Variants in GPC6 observed in about 807,000 individuals in gnomAD.
GPC6 encodes the protein glypican 6, also known as glypican-6.
In GPC6, 14 loss-of-function variants were observed where a neutral mutation model predicts 55.2. The observed-to-expected ratio is 0.25, with a 90% CI of 0.17 to 0.40. The LOEUF is 0.40. GPC6 is among the 10% of genes least tolerant of loss of function. GPC6 has a pLI of 1.00. For missense variants in GPC6, 641 were observed against 708.5 expected, an observed-to-expected ratio of 0.90 and a Z score of 1.08; for synonymous variants, 278 against 259.6, an observed-to-expected ratio of 1.07 and a Z score of -0.68.
At chr13:94,001,133 G>A (rs1881781162) in intron 3 of GPC6, among the ~76,000 whole-genome samples, 1 of 152,104 alleles carries the variant, frequency 6.6e-6, no homozygotes, top group Admixed American at 6.5e-5. Context: ...AATCAAACCA[G>A]CAAACATTTA....
chr13:93,328,843 A>G (rs985246062), intron 1 of GPC6, among the ~76,000 whole-genome samples: 1 of 152,112 alleles, frequency 6.6e-6, no homozygotes, highest in Non-Finnish European at 1.5e-5. Context: ...TAATATTGGA[A>G]AACTTAGGAA....
chr13:93,583,363 C>T (rs187979772), intron 2 of GPC6, among the ~76,000 whole-genome samples: 2 of 141,060 alleles, frequency 1.4e-5, no homozygotes, highest in East Asian at 1.9e-4. Flanking sequence ...TGCGCGCGCG[C>T]GTGCGTATGT....
chr13:94,307,758 T>A (rs1876026316), intron 6 of GPC6, among the ~76,000 whole-genome samples: 1 of 152,232 alleles, frequency 6.6e-6, no homozygotes, highest in Admixed American at 6.5e-5. Flanking sequence ...TTGTTTAAAT[T>A]TTACTTTACA....
intron 2 of GPC6, among the ~76,000 whole-genome samples, chr13:93,561,363 G>T (rs1875781187): frequency 7.2e-6 from 1 of 138,652 alleles, no homozygotes; most frequent in South Asian, 2.2e-4. Flanking sequence ...TAGTAAGATT[G>T]ATACACATTT....
rs374282859 is a variant in GPC6, at chr13:93,466,809, T to C, written c.161-78454T>C. 2.0e-4 allele frequency among the ~76,000 whole-genome samples: 30 copies of C among 152,328 alleles called. No homozygotes were observed. The East Asian group carries it at 3.5e-3, about 18-fold the overall frequency. Reference sequence around the variant, plus strand: ...TTCTCATGTGCTGGTGGAGTACTACTATGGATCTGATAACAGTAAATTTGC... The same window carrying C: ...TTCTCATGTGCTGGTGGAGTACTACCATGGATCTGATAACAGTAAATTTGC... On this transcript the variant is annotated intron_variant, in intron 1 of 8. Coordinates refer to ENST00000377047, the MANE Select transcript of GPC6 (RefSeq NM_005708.5).
At chr13:93,945,931 A>C (rs1878987203) in intron 3 of GPC6, among the ~76,000 whole-genome samples, 1 of 152,236 alleles carries the variant, frequency 6.6e-6, no homozygotes, top group Non-Finnish European at 1.5e-5. Context: ...ACTGAATTGC[A>C]TAATAGATGT....
In GPC6 at chr13:94,280,556, T is replaced by C. The variant is rs564140407; in HGVS notation, c.878-5793T>C. On this transcript the variant is annotated intron_variant, in intron 4 of 8. Coordinates refer to ENST00000377047, the MANE Select transcript of GPC6 (RefSeq NM_005708.5). ...GGAGACAGCAGTGCCCCTAGTTACA[T>C]TCATGCCATGGGCATTAATCAGCCT... Among the ~76,000 whole-genome samples the C allele has an allele frequency of 3.9e-5, 6 of 152,338 alleles. No individual in the cohort carries two copies. In the East Asian group the frequency reaches 9.6e-4, roughly 24 times the overall value.
chr13:93,406,989 A>T (rs1876317802), intron 1 of GPC6, among the ~76,000 whole-genome samples: 1 of 152,178 alleles, frequency 6.6e-6, no homozygotes, highest in Admixed American at 6.6e-5. Flanking sequence ...TAAAAAGAAA[A>T]TTTAAATGGG....
At position 94,206,624 on chromosome 13, in the gene GPC6, C is replaced by G. The variant is rs527597027; in HGVS notation, c.878-79725C>G. On this transcript the variant is annotated intron_variant, in intron 4 of 8. Coordinates refer to ENST00000377047, the MANE Select transcript of GPC6 (RefSeq NM_005708.5). ...ATCCTAGTGTGTTGGGAGGCTGAGG[C>G]GAGCAGATCGCTTGAGTCCAGGAGT... Among the ~76,000 whole-genome samples, 22 of 152,072 alleles carry G rather than the reference C, an allele frequency of 1.4e-4. No individual in the cohort carries two copies. In the South Asian group the frequency reaches 3.5e-3, roughly 24 times the overall value.
intron 2 of GPC6, among the ~76,000 whole-genome samples, chr13:93,572,797 G>T (rs903238361): frequency 4.6e-5 from 7 of 151,994 alleles, no homozygotes; most frequent in Non-Finnish European, 7.4e-5. Flanking sequence ...GAACAGTTTT[G>T]CTCTGTGCTT....
At chr13:93,713,578 G>GA (rs1447054328) in intron 2 of GPC6, among the ~76,000 whole-genome samples, 1 of 151,650 alleles carries the variant, frequency 6.6e-6, no homozygotes, top group African/African-American at 2.4e-5. Context: ...ATAGCTCACT[G>GA]AAACCTTGAA....
chr13:94,116,470 T>A (rs928294111), intron 4 of GPC6, among the ~76,000 whole-genome samples: 1 of 152,080 alleles, frequency 6.6e-6, no homozygotes, highest in Admixed American at 6.6e-5. Context: ...CCTGAACACA[T>A]TGAGCTTAGA....
chr13:93,437,241 C>T (rs1012451877), intron 1 of GPC6, among the ~76,000 whole-genome samples: 2 of 151,992 alleles, frequency 1.3e-5, no homozygotes, highest in African/African-American at 4.8e-5. Context: ...TAAAATTAGG[C>T]CAGTTAATAA....
At chr13:93,651,931 C>T (rs1439920157) in intron 2 of GPC6, among the ~76,000 whole-genome samples, 1 of 152,192 alleles carries the variant, frequency 6.6e-6, no homozygotes, top group East Asian at 1.9e-4. Context: ...CCATTAAATG[C>T]TCCCAGGTGA....
chr13:94,326,865 T>C (rs1050559859), intron 6 of GPC6, among the ~76,000 whole-genome samples: 1 of 152,238 alleles, frequency 6.6e-6, no homozygotes, highest in Non-Finnish European at 1.5e-5. Context: ...GGGCACTCTG[T>C]GAGTAAGGAA....
chr13:94,304,346 G>A lies in GPC6; in HGVS notation c.1009-1634G>A, dbSNP rs72647622. Among the ~76,000 whole-genome samples, 1,038 of 152,296 alleles carry A rather than the reference G, an allele frequency of 6.8e-3. 10 individuals are homozygous for A. The highest frequency in any genetic ancestry group is 0.041 in the Middle Eastern group (12 of 294). ...AACAAAATGAATTGTGTCTCAAGAC[G>A]GAATTTGTCATTGTGAATGGCACTC... On this transcript the variant is annotated intron_variant, in intron 5 of 8. Transcript: ENST00000377047.
chr13:93,605,703 A>G (rs893325706), intron 2 of GPC6, among the ~76,000 whole-genome samples: 1 of 151,604 alleles, frequency 6.6e-6, no homozygotes, highest in Non-Finnish European at 1.5e-5. Flanking sequence ...AAAGCCAGTC[A>G]TGATGGCGGG....
At chr13:93,323,171 A>G (rs1002153097) in intron 1 of GPC6, among the ~76,000 whole-genome samples, 2 of 152,220 alleles carry the variant, frequency 1.3e-5, no homozygotes, top group African/African-American at 4.8e-5. Context: ...TGTTAAATTC[A>G]TTATGTAATA....
chr13:94,339,772 TTTTTTTTTG>T, intron 6 of GPC6, among the ~76,000 whole-genome samples: 1 of 142,592 alleles, frequency 7.0e-6, no homozygotes, highest in East Asian at 2.0e-4. Flanking sequence ...TTTTTTTTTT[TTTTTTTTTG>T]AGACAGAGTT....
Sources: allele counts gnomAD v4.1 joint callset (sites outside exome capture counted in the v4.1 genomes callset), GRCh38; gene constraint gnomAD v4.1.1; transcripts MANE v1.5; gene names NCBI Gene and HGNC (gene_info 2026-07-23, HGNC 2026-07-21).